Variants in SEMA4D observed in about 807,000 individuals in gnomAD.
SEMA4D encodes semaphorin 4D.
Under a neutral mutation model 74.8 loss-of-function variants are expected in SEMA4D, and 22 were observed. The observed-to-expected ratio is 0.29, with a 90% CI of 0.21 to 0.42. The LOEUF is 0.42. SEMA4D is among the 10% of genes least tolerant of loss of function. The probability of loss-of-function intolerance (pLI) is 1.00; values close to 1 mark genes in which losing one functional copy is unlikely to be tolerated. For missense variants in SEMA4D, 937 were observed against 1,118.4 expected, an observed-to-expected ratio of 0.84 and a Z score of 2.31; for synonymous variants, 445 against 463.7, an observed-to-expected ratio of 0.96 and a Z score of 0.52.
chr9:89,386,681 T>C (rs1230421428), intron 12 of SEMA4D, 199 bp from the exon 13 acceptor site: 3 of 520,066 alleles, frequency 5.8e-6, no homozygotes, highest in South Asian at 2.2e-5. Context: ...CCAAGTGTTA[T>C]GGGTTATTCC....
intron 2 of SEMA4D, among the ~76,000 whole-genome samples, chr9:89,420,338 A>G (rs1199262496): frequency 6.6e-6 from 1 of 152,232 alleles, no homozygotes; most frequent in Non-Finnish European, 1.5e-5. Context: ...ATGCAAACCC[A>G]CACTTCTCAT....
chr9:89,457,042 C>T (rs1313575207), intron 1 of SEMA4D, among the ~76,000 whole-genome samples: 7 of 152,224 alleles, frequency 4.6e-5, no homozygotes, highest in Admixed American at 4.6e-4. Flanking sequence ...GCAAAGTCCC[C>T]TCCCACAAGG....
chr9:89,467,612 A>G (rs6559358), intron 1 of SEMA4D, among the ~76,000 whole-genome samples: 12,384 of 150,710 alleles, frequency 0.082, 741 homozygotes, highest in Admixed American at 0.16. Context: ...GCTTACTGCA[A>G]CCTCTGCCTC....
chr9:89,362,427 T>A (rs769867571), exon 19 of SEMA4D: 9 of 1,613,886 alleles, frequency 5.6e-6, no homozygotes, highest in Non-Finnish European at 7.6e-6. Context: ...GCTACAGCTT[T>A]CCTGAAAGAA....
At chr9:89,388,562 C>G in intron 11 of SEMA4D, 74 bp downstream of exon 11, 1 of 1,526,848 alleles carries the variant, frequency 6.5e-7, no homozygotes, top group South Asian at 1.2e-5. Context: ...TGAGCAGGCC[C>G]CAGTGCCTGT....
intron 2 of SEMA4D, among the ~76,000 whole-genome samples, chr9:89,443,592 G>A (rs571171996): frequency 6.6e-6 from 1 of 152,334 alleles, no homozygotes; most frequent in South Asian, 2.1e-4. Context: ...GTAGGCGGGT[G>A]GCGGACGGCC....
intron 1 of SEMA4D, among the ~76,000 whole-genome samples, chr9:89,469,469 T>C (rs1040248643): frequency 6.6e-6 from 1 of 152,058 alleles, no homozygotes; most frequent in Non-Finnish European, 1.5e-5. Flanking sequence ...AAAAAGACAT[T>C]ACAAGAAGAC....
At chr9:89,368,560 T>C (rs940635672) in intron 16 of SEMA4D, 2 of 152,384 alleles carry the variant, frequency 1.3e-5, no homozygotes, top group African/African-American at 4.8e-5. Context: ...TCATCCTTTC[T>C]GTCCTCTGTT....
At chr9:89,363,303 G>A in intron 18 of SEMA4D, 1 of 1,382,414 alleles carries the variant, frequency 7.2e-7, no homozygotes, top group Non-Finnish European at 9.7e-7. Flanking sequence ...AAAGGAAACT[G>A]CTCCGGGGCT....
At chr9:89,470,732 A>G (rs1859964533) in intron 1 of SEMA4D, among the ~76,000 whole-genome samples, 1 of 152,210 alleles carries the variant, frequency 6.6e-6, no homozygotes, top group South Asian at 2.1e-4. Context: ...AAACCAAACT[A>G]TTGATACCTG....
At chr9:89,452,894 C>T (rs1854965084) in intron 2 of SEMA4D, among the ~76,000 whole-genome samples, 1 of 152,290 alleles carries the variant, frequency 6.6e-6, no homozygotes, top group Admixed American at 6.5e-5. Context: ...CATCATTAGT[C>T]AGAGTAATGC....
chr9:89,392,340 CAG>C lies in SEMA4D; in HGVS notation c.622+81_622+82del, dbSNP rs1840042062. 8 of 1,130,706 alleles carry C rather than the reference CAG, an allele frequency of 7.1e-6. No homozygotes were observed. In the South Asian group the frequency reaches 1.1e-4, roughly 15 times the overall value. The allele number at this position is 1,130,706 out of a possible 1,614,324, so 70.0% of individuals were successfully genotyped here. ...CACAAGCTCGGGGGCCCCCAGGGCT[CAG>C]AGACAGAAAAGGAGAGATCAACAGG... On this transcript the variant is annotated intron_variant, in intron 8 of 15. Transcript: ENST00000422704.
At chr9:89,414,841 T>G (rs1473604353) in intron 2 of SEMA4D, among the ~76,000 whole-genome samples, 1 of 151,990 alleles carries the variant, frequency 6.6e-6, no homozygotes, top group Non-Finnish European at 1.5e-5. Context: ...TCAAGCCACA[T>G]CCCTGCAGGG....
intron 2 of SEMA4D, among the ~76,000 whole-genome samples, chr9:89,454,299 G>A (rs941158212): frequency 3.3e-5 from 5 of 152,138 alleles, no homozygotes; most frequent in African/African-American, 1.2e-4. Context: ...ATCTTGAAAC[G>A]CCTTCTAACA....
At chr9:89,451,616 G>A (rs1034745012) in intron 2 of SEMA4D, among the ~76,000 whole-genome samples, 2 of 152,188 alleles carry the variant, frequency 1.3e-5, no homozygotes, top group Non-Finnish European at 2.9e-5. Flanking sequence ...TATGGATTTG[G>A]ATTGGATTGC....
intron 1 of SEMA4D, among the ~76,000 whole-genome samples, chr9:89,479,324 G>A (rs1456680540): frequency 2.0e-4 from 31 of 152,224 alleles, no homozygotes; most frequent in Admixed American, 1.9e-3. Context: ...TGGCGAGATT[G>A]GCCACCATGT....
chr9:89,425,214 A>G (rs1387361392), intron 2 of SEMA4D, among the ~76,000 whole-genome samples: 1 of 151,556 alleles, frequency 6.6e-6, no homozygotes, highest in Non-Finnish European at 1.5e-5. Context: ...AGGCCTTGCC[A>G]CCTCCCCTAG....
At chr9:89,440,638 G>A (rs1043824588) in intron 2 of SEMA4D, among the ~76,000 whole-genome samples, 2 of 152,178 alleles carry the variant, frequency 1.3e-5, no homozygotes, top group African/African-American at 2.4e-5. Context: ...CCGGCACCTC[G>A]TGCAAGACTT....
At chr9:89,389,134 C>T (rs1312796218) in intron 9 of SEMA4D, 87 bp from the exon 10 acceptor site, 42 of 1,406,502 alleles carry the variant, frequency 3.0e-5, no homozygotes, top group Non-Finnish European at 4.2e-5. Context: ...CCTCCATGGC[C>T]CAGCACAGCG....
Sources: gnomAD v4.1 joint callset for allele counts (sites outside exome capture counted in the v4.1 genomes callset) on GRCh38, gnomAD v4.1.1 for gene constraint, MANE v1.5 for transcripts, NCBI Gene and HGNC (gene_info 2026-07-23, HGNC 2026-07-21) for gene names.